The following UGT1A9 variants were observed in gnomAD, a reference collection of about 807,000 sequenced individuals.
The protein encoded by UGT1A9 is UDP glucuronosyltransferase family 1 member A9.
In UGT1A9, 35 loss-of-function variants were observed where a neutral mutation model predicts 45.0. The ratio of observed to expected loss-of-function variants is 0.78; its 90% CI spans 0.59 to 1.03. The LOEUF (loss-of-function observed/expected upper bound fraction) is 1.03. Ranked by LOEUF, UGT1A9 falls within the 50% of genes least tolerant of loss-of-function variation. UGT1A9 has a pLI of 0.00. For missense variants in UGT1A9, 687 were observed against 666.6 expected (o/e 1.03, Z -0.34); for synonymous variants, 278 against 250.6 (o/e 1.11, Z -1.03).
Position 233,693,162 on chromosome 2 carries a change from GT to G in UGT1A9, c.855+20374del, listed in dbSNP as rs1559345986. The G allele has an allele frequency of 1.5e-5, 24 of 1,614,206 alleles. No individual in the cohort carries two copies. In the Middle Eastern group the frequency reaches 2.8e-3, roughly 189 times the overall value. On this transcript the variant is annotated intron_variant, in intron 1 of 4. Coordinates refer to ENST00000354728, the MANE Select transcript of UGT1A9 (RefSeq NM_021027.3). ...ATAGTTGAGGTTCTCAGTGACCGGGGTCATGAGATTGTAGTGGTGGTGCCTG... is the reference window on the plus strand; with the variant it reads ...ATAGTTGAGGTTCTCAGTGACCGGGGCATGAGATTGTAGTGGTGGTGCCTG...
intron 1 of UGT1A9, chr2:233,747,762 G>A: frequency 1.2e-6 from 2 of 1,613,366 alleles, no homozygotes; most frequent in South Asian, 2.2e-5. Context: ...AGACTTTAAG[G>A]GCACACAGTG....
intron 1 of UGT1A9, chr2:233,742,978 TA>T: frequency 8.7e-6 from 2 of 230,188 alleles, no homozygotes; most frequent in Non-Finnish European, 1.7e-5. Flanking sequence ...GGCTTAAGTT[TA>T]ATAAATAGCA....
At chr2:233,754,441 A>G (rs1275435430) in intron 1 of UGT1A9, 18 of 350,072 alleles carry the variant, frequency 5.1e-5, no homozygotes, top group Non-Finnish European at 5.6e-6. Context: ...AAGTGTTTAT[A>G]AATTCTTGGG....
chr2:233,697,476 G>A (rs28900068), intron 1 of UGT1A9, among the ~76,000 whole-genome samples: 1,638 of 149,000 alleles, frequency 0.011, 39 homozygotes, highest in African/African-American at 0.038. Context: ...TCTTAGTCTA[G>A]CTCAAGGTTT....
intron 1 of UGT1A9, among the ~76,000 whole-genome samples, chr2:233,703,726 CT>C (rs958884874): frequency 4.0e-5 from 6 of 151,698 alleles, no homozygotes; most frequent in Admixed American, 1.3e-4. Context: ...TAAATATAAA[CT>C]TTTTTTTGTT....
intron 1 of UGT1A9, among the ~76,000 whole-genome samples, chr2:233,753,927 T>C (rs943116990): frequency 6.6e-6 from 1 of 152,224 alleles, no homozygotes; most frequent in Non-Finnish European, 1.5e-5. Flanking sequence ...CTCAGTGATA[T>C]GGGATTCAAA....
intron 1 of UGT1A9, among the ~76,000 whole-genome samples, chr2:233,746,438 T>C (rs1187941624): frequency 1.3e-5 from 2 of 151,694 alleles, no homozygotes; most frequent in African/African-American, 4.9e-5. Context: ...TGTCTTCAGC[T>C]TAAAAAGAAA....
intron 1 of UGT1A9, among the ~76,000 whole-genome samples, chr2:233,699,027 G>A (rs1169974105): frequency 6.6e-6 from 1 of 152,220 alleles, no homozygotes; most frequent in Non-Finnish European, 1.5e-5. Flanking sequence ...GAGCCACCAG[G>A]CAGTCCCAGA....
chr2:233,747,775 C>G (rs1325525681), intron 1 of UGT1A9: 1 of 1,613,320 alleles, frequency 6.2e-7, no homozygotes, highest in Non-Finnish European at 8.5e-7. Context: ...ACACAGTGTC[C>G]AAATCCTTCC....
intron 1 of UGT1A9, among the ~76,000 whole-genome samples, chr2:233,723,536 T>TA (rs756280025): frequency 0.019 from 2,250 of 121,430 alleles, 100 homozygotes; most frequent in African/African-American, 0.052. Context: ...TTTTTTTTTT[T>TA]AATTTATTTT....
At chr2:233,719,227 C>G in intron 1 of UGT1A9, 1 of 1,614,176 alleles carries the variant, frequency 6.2e-7, no homozygotes, top group Non-Finnish European at 8.5e-7. Context: ...CATAATGAGG[C>G]CCTGATCAGG....
intron 1 of UGT1A9, among the ~76,000 whole-genome samples, chr2:233,688,000 T>C (rs2074873432): frequency 6.6e-6 from 1 of 152,242 alleles, no homozygotes; most frequent in South Asian, 2.1e-4. Flanking sequence ...TTCTGTGTGC[T>C]CCCAGATACA....
intron 1 of UGT1A9, chr2:233,682,655 A>G (rs894073173): frequency 6.2e-7 from 1 of 1,613,884 alleles, no homozygotes; most frequent in East Asian, 2.2e-5. Flanking sequence ...AACCCCTGTC[A>G]CGGCATATGA....
intron 1 of UGT1A9, among the ~76,000 whole-genome samples, chr2:233,681,530 C>CAAAAA (rs747693860): frequency 1.3e-5 from 1 of 77,714 alleles, no homozygotes; most frequent in Non-Finnish European, 2.5e-5. Context: ...GACTCCATCT[C>CAAAAA]AAAAAAAAAA....
rs773195449 is a variant in UGT1A9, at chr2:233,767,876, C to T, written c.1015C>T (p.Pro339Ser). 2 of 1,614,178 alleles carry T rather than the reference C, an allele frequency of 1.2e-6. No homozygotes were observed. The highest frequency in any genetic ancestry group is 3.3e-5 in the Admixed American group (2 of 60,012). ...CCTGTGGCGGTACACTGGAACCCGACCATCGAATCTTGCGAACAACACGAT... is the reference window on the plus strand; with the variant it reads ...CCTGTGGCGGTACACTGGAACCCGATCATCGAATCTTGCGAACAACACGAT... The part of the protein sequence containing the change: ...TVLWRYTGTR[P>S]SNLANNTILV... Residue 339 changes from proline (P) to serine (S), a missense_variant, in exon 3 of 5, where the codon CCA (proline) becomes TCA (serine). By Grantham distance (74) the Pro-to-Ser change is moderately conservative. Coordinates refer to ENST00000354728, the MANE Select transcript of UGT1A9 (RefSeq NM_021027.3).
At chr2:233,702,131 A>C (rs1379311746) in intron 1 of UGT1A9, among the ~76,000 whole-genome samples, 1 of 151,904 alleles carries the variant, frequency 6.6e-6, no homozygotes, top group Non-Finnish European at 1.5e-5. Context: ...ATTTTCAGTC[A>C]CTCCCAAAGA....
intron 1 of UGT1A9, among the ~76,000 whole-genome samples, chr2:233,689,402 A>G (rs1410123312): frequency 1.3e-5 from 2 of 152,232 alleles, no homozygotes; most frequent in African/African-American, 2.4e-5. Context: ...TATACTTGAG[A>G]CCCAATCTCT....
intron 1 of UGT1A9, among the ~76,000 whole-genome samples, chr2:233,757,557 T>C (rs1380539575): frequency 8.0e-6 from 1 of 124,464 alleles, no homozygotes; most frequent in Non-Finnish European, 1.7e-5. Context: ...TATATATATA[T>C]ATATGTATAT....
intron 1 of UGT1A9, chr2:233,747,412 T>C: frequency 6.2e-7 from 1 of 1,607,344 alleles, no homozygotes; most frequent in East Asian, 2.2e-5. Context: ...GAGGTGAATA[T>C]GCACATCAAA....
Sources: gnomAD v4.1 joint callset for allele counts (sites outside exome capture counted in the v4.1 genomes callset) on GRCh38, gnomAD v4.1.1 for gene constraint, MANE v1.5 for transcripts, NCBI Gene and HGNC (gene_info 2026-07-23, HGNC 2026-07-21) for gene names.